FBXO45: variants seen among roughly 807,000 people sequenced by gnomAD.
FBXO45 encodes the protein F-box/SPRY domain-containing protein 1.
Under a neutral mutation model 25.5 loss-of-function variants are expected in FBXO45, and 3 were observed. The observed-to-expected ratio is 0.12, with a 90% CI of 0.05 to 0.30. FBXO45 has a LOEUF of 0.30. Among genes scored for constraint, FBXO45 ranks in the 10% least tolerant of loss-of-function variants. The pLI is 1.00. For missense variants in FBXO45, 219 were observed against 365.0 expected (o/e 0.60, Z 3.26); for synonymous variants, 155 against 149.8 (o/e 1.03, Z -0.25).
chr3:196,581,222 C>CTTTTTTT (rs1560319177), intron 2 of FBXO45, among the ~76,000 whole-genome samples: 3 of 75,896 alleles, frequency 4.0e-5, no homozygotes, highest in East Asian at 7.1e-4. Flanking sequence ...TTTTCTTTTT[C>CTTTTTTT]CTTTTTTTTT....
intron 2 of FBXO45, among the ~76,000 whole-genome samples, chr3:196,582,524 A>G (rs1736030653): frequency 6.6e-6 from 1 of 151,592 alleles, no homozygotes; most frequent in African/African-American, 2.4e-5. Flanking sequence ...ATAATCAGGT[A>G]GAATTAAATT....
intron 2 of FBXO45, among the ~76,000 whole-genome samples, chr3:196,583,003 A>G (rs985503463): frequency 3.9e-5 from 6 of 152,066 alleles, no homozygotes; most frequent in African/African-American, 1.2e-4. Flanking sequence ...CATAATCTCT[A>G]TTATGTTCAT....
chr3:196,569,072 T>TCTGGGGCCG lies in FBXO45; in HGVS notation c.90_98dup (p.Ala33_Ala35dup), dbSNP rs1429169136. The TCTGGGGCCG allele has an allele frequency of 2.1e-6, 3 of 1,403,598 alleles. No individual in the cohort carries two copies. The highest frequency in any genetic ancestry group is 1.4e-5 in the South Asian group (1 of 70,702). 86.9% of individuals were successfully genotyped at this position (1,403,598 alleles called of 1,614,324 possible). A position where few individuals can be genotyped will look rare whatever the true frequency, so the allele number is the denominator to read the frequency against. On this transcript the variant is annotated inframe_insertion, in exon 1 of 3. Transcript: ENST00000311630. The surrounding 1 kb of genome is among the most constrained non-coding windows in gnomAD (Gnocchi z 4.1). ...CGCGGGCGCGGGCGCGGGCTCGGGC[T>TCTGGGGCCG]CTGGGGCCGCGGGGGCCGGGGGCCG...
chr3:196,572,045 CTG>C (rs1360682743), intron 1 of FBXO45, among the ~76,000 whole-genome samples: 1 of 152,092 alleles, frequency 6.6e-6, no homozygotes. Context: ...AATTTACAAA[CTG>C]AGTGGAGGAT....
At chr3:196,581,436 G>A (rs576740687) in intron 2 of FBXO45, among the ~76,000 whole-genome samples, 5,126 of 151,388 alleles carry the variant, frequency 0.034, 135 homozygotes, top group Non-Finnish European at 0.049. Flanking sequence ...TCACCATGTT[G>A]GCCAGGATGG....
intron 1 of FBXO45, among the ~76,000 whole-genome samples, chr3:196,571,338 T>G (rs1735823211): frequency 6.6e-6 from 1 of 152,076 alleles, no homozygotes; most frequent in Non-Finnish European, 1.5e-5. Context: ...GGGATCCTCC[T>G]TAGCTTAGCC....
At chr3:196,571,115 A>G (rs1440015093) in intron 1 of FBXO45, among the ~76,000 whole-genome samples, 1 of 152,158 alleles carries the variant, frequency 6.6e-6, no homozygotes, top group Non-Finnish European at 1.5e-5. Context: ...GTGAGTACAG[A>G]CGATTGGAAT....
At chr3:196,574,047 G>A (rs981702186) in intron 1 of FBXO45, among the ~76,000 whole-genome samples, 2 of 146,890 alleles carry the variant, frequency 1.4e-5, no homozygotes. Flanking sequence ...AAGTGATTCT[G>A]CCTCAGCCTC....
At chr3:196,575,681 C>CT (rs549432229) in intron 1 of FBXO45, among the ~76,000 whole-genome samples, 7,713 of 141,618 alleles carry the variant, frequency 0.054, 521 homozygotes, top group African/African-American at 0.16. Context: ...TTCTTTGTTT[C>CT]TTTTTTTTTT....
chr3:196,576,028 A>C (rs1735908406), intron 1 of FBXO45, among the ~76,000 whole-genome samples: 1 of 152,182 alleles, frequency 6.6e-6, no homozygotes, highest in Admixed American at 6.6e-5. Context: ...AGTATTTTAT[A>C]ATACGAGCAG....
At chr3:196,576,525 G>A (rs1735916948) in intron 1 of FBXO45, among the ~76,000 whole-genome samples, 1 of 152,206 alleles carries the variant, frequency 6.6e-6, no homozygotes, top group Non-Finnish European at 1.5e-5. Context: ...TGCAGTCTGG[G>A]TGACAGAGTG....
chr3:196,571,830 A>G lies in FBXO45; in HGVS notation c.318+2528A>G, dbSNP rs183752656. On this transcript the variant is annotated intron_variant, in intron 1 of 2. Transcript: ENST00000311630. ...TAGATGTTGTAGACTTGTACCAATC[A>G]CTGTTCATTCACACATTGTAGGACT... Among the ~76,000 whole-genome samples the G allele has an allele frequency of 2.6e-4, 39 of 152,334 alleles. No individual in the cohort carries two copies. In the East Asian group the frequency reaches 7.3e-3, roughly 29 times the overall value.
intron 1 of FBXO45, among the ~76,000 whole-genome samples, chr3:196,572,249 TAAAAC>T (rs992025228): frequency 1.3e-5 from 2 of 152,200 alleles, no homozygotes; most frequent in Non-Finnish European, 1.5e-5. Flanking sequence ...CAATGGCAAA[TAAAAC>T]AAACACAGTC....
rs55822180 is a variant in FBXO45, at chr3:196,576,143, G to A, written c.319-1310G>A. Among the ~76,000 whole-genome samples the A allele has an allele frequency of 9.9e-3, 1,508 of 152,282 alleles. 16 individuals are homozygous for A. The highest frequency in any genetic ancestry group is 0.017 in the Non-Finnish European group (1,164 of 68,022). On this transcript the variant is annotated intron_variant, in intron 1 of 2. Transcript: ENST00000311630. The stretch of plus-strand genomic sequence containing the variant: ...TCTGCGCTCTGCAGCTCACTGAAAC[G>A]GTAGAGTGCCAGCGAATGGTAAACG...
chr3:196,578,287 G>C (rs1735952227), intron 2 of FBXO45, among the ~76,000 whole-genome samples: 1 of 151,858 alleles, frequency 6.6e-6, no homozygotes, highest in Non-Finnish European at 1.5e-5. Flanking sequence ...CACCTGCCTT[G>C]GCCTCCCAAA....
At chr3:196,581,184 G>C (rs1165056011) in intron 2 of FBXO45, among the ~76,000 whole-genome samples, 1 of 100,652 alleles carries the variant, frequency 9.9e-6, no homozygotes, top group East Asian at 3.2e-4. Context: ...TTTGCTTATT[G>C]TACACTTCAG....
rs1037202940 is a variant in FBXO45, at chr3:196,569,313, C to A, written c.318+11C>A. 2.6e-6 allele frequency: 4 copies of A among 1,521,944 alleles called. No homozygotes were observed. The highest frequency in any genetic ancestry group is 2.7e-5 in the African/African-American group (2 of 72,762). The allele number at this position is 1,521,944 out of a possible 1,614,324, so 94.3% of individuals were successfully genotyped here. ...AGCTACAAGGCCAAGGTGAGAGAGC[C>A]CCGGGCCACACCGCTGCCCCCAGTC... On this transcript the variant is annotated intron_variant, in intron 1 of 2. Coordinates refer to ENST00000311630, the MANE Select transcript of FBXO45 (RefSeq NM_001105573.2). This position sits in a 1 kb window ranked among gnomAD's most constrained non-coding sequence, Gnocchi z 4.1.
At chr3:196,580,154 C>T (rs1029213964) in intron 2 of FBXO45, among the ~76,000 whole-genome samples, 7 of 151,280 alleles carry the variant, frequency 4.6e-5, no homozygotes, top group East Asian at 1.9e-4. Flanking sequence ...CTCTAAACCA[C>T]GCCCGGCTAA....
chr3:196,584,264 A>G lies in FBXO45; in HGVS notation c.807A>G (p.Val269=). The change falls in exon 3 of 3, where the codon GTA becomes GTG. Residue 269 remains valine (V), a synonymous_variant. Transcript: ENST00000311630. This position sits in a 1 kb window ranked among gnomAD's most constrained non-coding sequence, Gnocchi z 4.3. The stretch of plus-strand genomic sequence containing the variant: ...GCTTATACCCAGCAGTTTCTGCTGT[A>G]TATGGCAACACAGAAGTGACTTTGG... ...KVCLYPAVSA[V]YGNTEVTLVY... 6.2e-7 allele frequency: 1 copy of G among 1,613,208 alleles called. No homozygotes were observed. The highest frequency in any genetic ancestry group is 2.2e-5 in the East Asian group (1 of 44,870).
Sources: gnomAD v4.1 joint callset for allele counts (sites outside exome capture counted in the v4.1 genomes callset) on GRCh38, gnomAD v4.1.1 for gene constraint, Gnocchi (gnomAD v3.1) non-coding constraint, MANE v1.5 for transcripts, NCBI Gene and HGNC (gene_info 2026-07-23, HGNC 2026-07-21) for gene names.